IFRD2: variants seen among roughly 807,000 people sequenced by gnomAD.
IFRD2 encodes the protein interferon related developmental regulator 2, also known as interferon-related developmental regulator 2.
IFRD2 carries 35 observed loss-of-function variants against 49.2 expected under a neutral mutation model. That is an observed-to-expected ratio of 0.71 (90% CI 0.54 to 0.94). The LOEUF (loss-of-function observed/expected upper bound fraction) is 0.94, where lower values mean the gene tolerates loss of function less well. Ranked by LOEUF, IFRD2 falls within the 40% of genes least tolerant of loss-of-function variation. The probability of loss-of-function intolerance (pLI) is 0.00; values close to 1 mark genes in which losing one functional copy is unlikely to be tolerated. For missense variants in IFRD2, 561 were observed against 591.6 expected (o/e 0.95, Z 0.54); for synonymous variants, 275 against 239.7 (o/e 1.15, Z -1.36).
chr3:50,288,603 C>T lies in IFRD2; in HGVS notation c.1132G>A (p.Gly378Ser). The change falls in exon 10 of 12, where the codon GGC (glycine) becomes AGC (serine). Residue 378 changes from glycine (G) to serine (S), a missense_variant. Gly to Ser is a moderately conservative substitution (Grantham distance 56). Transcript: ENST00000417626. ...CGCACCTGGAGGTGGTGGTGCATGC[C>T]CGAACCCAGCACTTCCTTGAAGGCA... Reference protein sequence around the residue: ...YAAFKEVLGSGMHHHLQNNEL... With the variant: ...YAAFKEVLGSSMHHHLQNNEL... 6.2e-7 allele frequency: 1 copy of T among 1,613,906 alleles called. No homozygotes were observed. Among genetic ancestry groups the T allele is most frequent in the Non-Finnish European group, 8.5e-7 (1 of 1,179,876 alleles).
intron 6 of IFRD2, 37 bp from the exon 7 acceptor site, chr3:50,289,665 A>T (rs1280467996): frequency 6.3e-7 from 1 of 1,595,550 alleles, no homozygotes; most frequent in Non-Finnish European, 8.5e-7. Flanking sequence ...TCAGAGGCAG[A>T]GTTACAGCCC....
intron 1 of IFRD2, chr3:50,291,980 G>A: frequency 1.9e-6 from 1 of 518,138 alleles, no homozygotes; most frequent in Non-Finnish European, 3.3e-6. Flanking sequence ...GGAGGGGCTG[G>A]CCGGGTCACC....
chr3:50,290,722 G>A (rs1553709679), intron 1 of IFRD2, 43 bp from the exon 2 acceptor site: 2 of 1,602,744 alleles, frequency 1.2e-6, no homozygotes, highest in Middle Eastern at 1.7e-4. Flanking sequence ...CTCTACTGAT[G>A]AGGGATGGCT....
intron 4 of IFRD2, 24 bp from the exon 5 acceptor site, chr3:50,290,110 C>T (rs1701645124): frequency 6.2e-7 from 1 of 1,612,630 alleles, no homozygotes; most frequent in African/African-American, 1.3e-5. Flanking sequence ...TCCAGTCAGC[C>T]CATGCAGCAA....
In IFRD2 at chr3:50,288,516, AG is replaced by A. The variant is rs781792298; in HGVS notation, c.1153-13del. ...AGTAGCTCATTGTTCTGGGGGGCAG[AG>A]GGCAGTGAGCTCAGGCCAGACTGAA... On this transcript the variant is annotated splice_polypyrimidine_tract_variant and intron_variant, in intron 10 of 11. Transcript: ENST00000417626. 26 of 1,613,870 alleles carry A rather than the reference AG, an allele frequency of 1.6e-5. No individual in the cohort carries two copies. The highest frequency in any genetic ancestry group is 1.9e-5 in the Non-Finnish European group (22 of 1,179,886).
At chr3:50,291,009 T>A (rs942497129) in intron 1 of IFRD2, among the ~76,000 whole-genome samples, 6 of 28,068 alleles carry the variant, frequency 2.1e-4, no homozygotes, top group Non-Finnish European at 6.2e-4. Context: ...CCCGCCACCT[T>A]TTTTTTTTTT....
chr3:50,288,232 C>G lies in IFRD2; in HGVS notation c.1288G>C (p.Ala430Pro), dbSNP rs374417388. The change falls in exon 12 of 12, where the codon GCT (alanine) becomes CCT (proline). Residue 430 changes from alanine (A) to proline (P), a missense_variant. By Grantham distance (27) the Ala-to-Pro change is conservative. Coordinates refer to ENST00000417626, the MANE Select transcript of IFRD2 (RefSeq NM_006764.5). ...NAAAFKARTK[A>P]RSRVRDKRAD... ...CGCTTGTCCCGCACACGGCTTCGAG[C>G]CTTGGTCCGGGCTTTGAAGGCAGCA... 16 of 1,613,784 alleles carry G rather than the reference C, an allele frequency of 9.9e-6. No individual in the cohort carries two copies. Among genetic ancestry groups the G allele is most frequent in the Non-Finnish European group, 1.4e-5 (16 of 1,179,844 alleles).
Position 50,287,971 on chromosome 3 carries a change from C to A in IFRD2, c.*220G>T, listed in dbSNP as rs1701588856. ...TGAGGAAGGCACATATTTAGCCTGG[C>A]CTGAGACAGGACAGGAAGGGGCCAC... On this transcript the variant is annotated 3_prime_UTR_variant, in exon 12 of 12. Transcript: ENST00000417626. 5.3e-6 allele frequency: 3 copies of A among 563,500 alleles called. No homozygotes were observed. The South Asian group carries it at 6.2e-5, about 12-fold the overall frequency. The allele number at this position is 563,500 out of a possible 1,614,324, so 34.9% of individuals were successfully genotyped here. A position where few individuals can be genotyped will look rare whatever the true frequency, so the allele number is the denominator to read the frequency against.
At chr3:50,289,836 C>A in intron 5 of IFRD2, 74 bp from the exon 6 acceptor site, 1 of 1,588,256 alleles carries the variant, frequency 6.3e-7, no homozygotes, top group East Asian at 2.3e-5. Flanking sequence ...GCTCACTCCC[C>A]TCAGAGTAAA....
chr3:50,291,184 G>A (rs1701666294), intron 1 of IFRD2, among the ~76,000 whole-genome samples: 1 of 151,904 alleles, frequency 6.6e-6, no homozygotes, highest in Non-Finnish European at 1.5e-5. Context: ...AGCTAATTTT[G>A]TATTTTTAGT....
Position 50,290,466 on chromosome 3 carries a change from TC to T in IFRD2, c.184del (p.Asp62MetfsTer16). ...STTAEDSLGG[D>X]VVDEQGQQED... Reference sequence around the variant, plus strand: ...CTGCTGGCCCTGCTCATCCACGACATCCCCCCCTGCAAGGCCACCTGGTCAG... The same window carrying T: ...CTGCTGGCCCTGCTCATCCACGACATCCCCCCTGCAAGGCCACCTGGTCAG... On this transcript the variant is annotated frameshift_variant, in exon 3 of 12. Transcript: ENST00000417626. LOFTEE classifies it high-confidence loss of function. 3 of 1,577,482 alleles carry T rather than the reference TC, an allele frequency of 1.9e-6. No homozygotes were observed. Among genetic ancestry groups the T allele is most frequent in the Admixed American group, 1.8e-5 (1 of 54,310 alleles).
chr3:50,289,865 G>A, intron 5 of IFRD2, 64 bp downstream of exon 5: 1 of 1,601,168 alleles, frequency 6.2e-7, no homozygotes, highest in African/African-American at 1.3e-5. Context: ...AAGATAGGGG[G>A]AACCCACCAC....
chr3:50,290,983 G>A (rs1167559487), intron 1 of IFRD2, among the ~76,000 whole-genome samples: 2 of 149,458 alleles, frequency 1.3e-5, no homozygotes, highest in Admixed American at 6.7e-5. Flanking sequence ...TCCAGCCTGC[G>A]CACTGGCCTC....
chr3:50,292,006 T>C, intron 1 of IFRD2: 2 of 555,456 alleles, frequency 3.6e-6, no homozygotes, highest in Non-Finnish European at 6.0e-6. Flanking sequence ...GAGCGCGGAC[T>C]CCCAACAGGC....
chr3:50,288,118 C>T lies in IFRD2; in HGVS notation c.*73G>A. ...TAAAGTGACAAATACTGGTGGAGAC[C>T]AGTTGTTGCACTGTCTTCTGTTAAA... On this transcript the variant is annotated 3_prime_UTR_variant, in exon 12 of 12. Transcript: ENST00000417626. The T allele has an allele frequency of 8.0e-7, 1 of 1,245,416 alleles. No individual in the cohort carries two copies. Among genetic ancestry groups the T allele is most frequent in the Non-Finnish European group, 1.2e-6 (1 of 860,996 alleles). The allele number at this position is 1,245,416 out of a possible 1,614,324, so 77.1% of individuals were successfully genotyped here.
In IFRD2 at chr3:50,292,266, G is replaced by A. The variant is rs1575492657; in HGVS notation, c.9C>T (p.Arg3=). The stretch of plus-strand genomic sequence containing the variant: ...TCCGGAGCGTGTTGCCCTTACGGGC[G>A]CGAGGCATGCCGGGAACCGGGCGCG... MP[R]ARKGNTLRKG... is the part of the protein sequence containing the mutation. The change falls in exon 1 of 12, where the codon CGC becomes CGT. Residue 3 remains arginine (R), a synonymous_variant. Coordinates refer to ENST00000417626, the MANE Select transcript of IFRD2 (RefSeq NM_006764.5). 6.5e-7 allele frequency: 1 copy of A among 1,541,088 alleles called. No homozygotes were observed. Among genetic ancestry groups the A allele is most frequent in the African/African-American group, 1.4e-5 (1 of 72,852 alleles).
Position 50,289,764 on chromosome 3 carries a change from T to G in IFRD2, c.547-2A>C. ...GCCCAGGCCAAGGGCAGAAGCACAC[T>G]GTTGGGAGAAGGGCAATGCAATGCC... On this transcript the variant is annotated splice_acceptor_variant, in intron 5 of 11. Coordinates refer to ENST00000417626, the MANE Select transcript of IFRD2 (RefSeq NM_006764.5). LOFTEE classifies it high-confidence loss of function. 6 of 1,600,438 alleles carry G rather than the reference T, an allele frequency of 3.7e-6. No individual in the cohort carries two copies. The highest frequency in any genetic ancestry group is 5.1e-6 in the Non-Finnish European group (6 of 1,173,764).
At position 50,289,772 on chromosome 3, in the gene IFRD2, G is replaced by A; in HGVS notation, c.547-10C>T. ...CAAGGGCAGAAGCACACTGTTGGGA[G>A]AAGGGCAATGCAATGCCACGGTCAG... On this transcript the variant is annotated splice_polypyrimidine_tract_variant and intron_variant, in intron 5 of 11. Transcript: ENST00000417626. 6.3e-7 allele frequency: 1 copy of A among 1,598,862 alleles called. No individual in the cohort carries two copies. Among genetic ancestry groups the A allele is most frequent in the Non-Finnish European group, 8.5e-7 (1 of 1,173,022 alleles).
Position 50,289,965 on chromosome 3 carries a change from G to A in IFRD2, c.510C>T (p.Leu170=), listed in dbSNP as rs781935714. 15 of 1,612,962 alleles carry A rather than the reference G, an allele frequency of 9.3e-6. No homozygotes were observed. The East Asian group carries it at 3.1e-4, about 34-fold the overall frequency. Residue 170 remains leucine, a synonymous_variant, in exon 5 of 12, where the codon CTC becomes CTT. Coordinates refer to ENST00000417626, the MANE Select transcript of IFRD2 (RefSeq NM_006764.5). ...CAGCAGGGCTAGCTGTGCTGTCACTGAGCACAGAGACCAGCAGAGGCTGCA... is the reference window on the plus strand; with the variant it reads ...CAGCAGGGCTAGCTGTGCTGTCACTAAGCACAGAGACCAGCAGAGGCTGCA... ...HSLQPLLVSV[L]SDSTASPAAR...
Sources: allele counts gnomAD v4.1 joint callset (sites outside exome capture counted in the v4.1 genomes callset), GRCh38; gene constraint gnomAD v4.1.1; transcripts MANE v1.5; gene names NCBI Gene and HGNC (gene_info 2026-07-23, HGNC 2026-07-21).